SERPINB2: variants seen among roughly 807,000 people sequenced by gnomAD.
SERPINB2 encodes serpin family B member 2, also known as plasminogen activator inhibitor 2.
A neutral mutation model predicts 39.4 loss-of-function variants in SERPINB2; 28 were observed. That is an observed-to-expected ratio of 0.71 (90% CI 0.53 to 0.97). SERPINB2 has a LOEUF of 0.97. SERPINB2 is among the 50% of genes least tolerant of loss of function. The probability of loss-of-function intolerance (pLI) is 0.00; values close to 1 mark genes in which losing one functional copy is unlikely to be tolerated. For synonymous variants in SERPINB2, 209 were observed against 175.1 expected (o/e 1.19, Z -1.53); for missense variants, 557 against 505.3 (o/e 1.10, Z -0.98).
intron 5 of SERPINB2, among the ~76,000 whole-genome samples, chr18:63,898,192 C>T (rs1029223818): frequency 1.3e-5 from 2 of 152,078 alleles, no homozygotes; most frequent in African/African-American, 4.8e-5. Context: ...AAGGCTTGAC[C>T]CTGAGCTTAG....
rs564537612 is a variant in SERPINB2, at chr18:63,898,655, A to G, written c.535+811A>G. 2.6e-5 allele frequency among the ~76,000 whole-genome samples: 4 copies of G among 152,294 alleles called. No individual in the cohort carries two copies. In the East Asian group the frequency reaches 5.8e-4, roughly 22 times the overall value. On this transcript the variant is annotated intron_variant, in intron 5 of 7. Coordinates refer to ENST00000299502, the MANE Select transcript of SERPINB2 (RefSeq NM_002575.3). The stretch of plus-strand genomic sequence containing the variant: ...ATTCAGTCATGTTGGCAATTGCTAT[A>G]GAGTAGTAGTCAGTGCTTTCATTGA...
rs138059795 is a variant in SERPINB2, at chr18:63,891,540, A to G, written c.96A>G (p.Pro32=). The G allele has an allele frequency of 1.2e-6, 2 of 1,613,916 alleles. No homozygotes were observed. Among genetic ancestry groups the G allele is most frequent in the African/African-American group, 1.3e-5 (1 of 74,892 alleles). The change falls in exon 2 of 8, where the codon CCA becomes CCG. Residue 32 remains proline, a synonymous_variant. Coordinates refer to ENST00000299502, the MANE Select transcript of SERPINB2 (RefSeq NM_002575.3). The part of the protein sequence containing the change: ...ASPTQNLFLS[P]WSISSTMAMV... ...CCACCCAGAACCTCTTCCTCTCCCC[A>G]TGGAGCATCTCGTCCACCATGGCCA... is the stretch of plus-strand genomic sequence containing the variant.
intron 5 of SERPINB2, among the ~76,000 whole-genome samples, chr18:63,898,738 G>T (rs2144703896): frequency 6.6e-6 from 1 of 152,272 alleles, no homozygotes; most frequent in South Asian, 2.1e-4. Context: ...ATTTAAAAAT[G>T]ATTAAATTGT....
chr18:63,903,244 T>A lies in SERPINB2; in HGVS notation c.1187T>A (p.Phe396Tyr). 1 of 1,594,692 alleles carries A rather than the reference T, an allele frequency of 6.3e-7. No individual in the cohort carries two copies. The highest frequency in any genetic ancestry group is 2.2e-5 in the East Asian group (1 of 44,690). ...PQFVADHPFLFLIMHKITNCI... is the reference protein window; with the variant it reads ...PQFVADHPFLYLIMHKITNCI... ...TTTGTGGCAGATCATCCTTTTCTTT[T>A]TCTTATTATGCATAAGATAACCAAC... The change falls in exon 8 of 8, where the codon TTT (phenylalanine) becomes TAT (tyrosine). Residue 396 changes from phenylalanine to tyrosine, a missense_variant. Physicochemically the swap from Phe to Tyr is conservative, Grantham distance 22. Transcript: ENST00000299502.
intron 2 of SERPINB2, among the ~76,000 whole-genome samples, chr18:63,892,345 ACT>A (rs2049932089): frequency 6.6e-6 from 1 of 152,010 alleles, no homozygotes; most frequent in Non-Finnish European, 1.5e-5. Context: ...CAGTCAGGAA[ACT>A]CTTTCCACGG....
At position 63,903,362 on chromosome 18, in the gene SERPINB2, T is replaced by C; in HGVS notation, c.*57T>C. On this transcript the variant is annotated 3_prime_UTR_variant, in exon 8 of 8. Transcript: ENST00000299502. ...TGTAGATGAGCTGTGTGCCTCAGAA[T>C]TGCTATTTCAAATTGCCAAAAATTT... The C allele has an allele frequency of 6.9e-7, 1 of 1,447,764 alleles. No individual in the cohort carries two copies. The allele number at this position is 1,447,764 out of a possible 1,614,324, so 89.7% of individuals were successfully genotyped here.
In SERPINB2 at chr18:63,895,384, G is replaced by C; in HGVS notation, c.288+1G>C. ...TAGTTATCCTGATGCGATTTTGCAG[G>C]TATCTGACTTACTGGTCCAAATTTC... is the stretch of plus-strand genomic sequence containing the variant. On this transcript the variant is annotated splice_donor_variant, in intron 3 of 7. Transcript: ENST00000299502. LOFTEE classifies it high-confidence loss of function. 1 of 1,613,704 alleles carries C rather than the reference G, an allele frequency of 6.2e-7. No homozygotes were observed. Among genetic ancestry groups the C allele is most frequent in the South Asian group, 1.1e-5 (1 of 91,000 alleles).
At chr18:63,896,110 G>T (rs1047782634) in intron 3 of SERPINB2, among the ~76,000 whole-genome samples, 1 of 152,092 alleles carries the variant, frequency 6.6e-6, no homozygotes, top group Admixed American at 6.5e-5. Context: ...TTATGAAGAG[G>T]TATCTCCCAA....
At chr18:63,899,028 A>T (rs1259533395) in intron 5 of SERPINB2, among the ~76,000 whole-genome samples, 1 of 152,186 alleles carries the variant, frequency 6.6e-6, no homozygotes, top group African/African-American at 2.4e-5. Context: ...GTTCTCAGTA[A>T]TCCAGTTGAC....
Position 63,903,174 on chromosome 18 carries a change from A to G in SERPINB2, c.1117A>G (p.Thr373Ala). Residue 373 changes from threonine to alanine, a missense_variant, in exon 8 of 8, where the codon ACA (threonine) becomes GCA (alanine). Thr to Ala is a moderately conservative substitution (Grantham distance 58, BLOSUM62 0). Transcript: ENST00000299502. ...NEEGTEAAAG[T>A]GGVMTGRTGH... Reference sequence around the variant, plus strand: ...GGAGGGCACTGAAGCAGCCGCTGGCACAGGAGGTGTTATGACAGGGAGAAC... The same window carrying G: ...GGAGGGCACTGAAGCAGCCGCTGGCGCAGGAGGTGTTATGACAGGGAGAAC... 6.2e-7 allele frequency: 1 copy of G among 1,613,748 alleles called. No homozygotes were observed.
chr18:63,903,181 G>T lies in SERPINB2; in HGVS notation c.1124G>T (p.Gly375Val). 1 of 1,613,670 alleles carries T rather than the reference G, an allele frequency of 6.2e-7. No individual in the cohort carries two copies. Among genetic ancestry groups the T allele is most frequent in the South Asian group, 1.1e-5 (1 of 91,044 alleles). The change falls in exon 8 of 8, where the codon GGT becomes GTT. Residue 375 changes from glycine (G) to valine (V), a missense_variant. Gly to Val is a moderately radical substitution (Grantham distance 109). Coordinates refer to ENST00000299502, the MANE Select transcript of SERPINB2 (RefSeq NM_002575.3). The part of the protein sequence containing the change: ...EGTEAAAGTG[G>V]VMTGRTGHGG... ...ACTGAAGCAGCCGCTGGCACAGGAG[G>T]TGTTATGACAGGGAGAACTGGACAT...
At chr18:63,895,142 C>G in intron 2 of SERPINB2, 122 bp from the exon 3 acceptor site, 1 of 1,111,976 alleles carries the variant, frequency 9.0e-7, no homozygotes, top group Non-Finnish European at 1.3e-6. Context: ...TATGGTTGTT[C>G]CCCATGTATA....
At position 63,903,138 on chromosome 18, in the gene SERPINB2, G is replaced by T. The variant is rs750329758; in HGVS notation, c.1081G>T (p.Asp361Tyr). Residue 361 changes from aspartate to tyrosine, a missense_variant, in exon 8 of 8, where the codon GAT (aspartate) becomes TAT (tyrosine). Physicochemically the swap from Asp to Tyr is radical, Grantham distance 160. Coordinates refer to ENST00000299502, the MANE Select transcript of SERPINB2 (RefSeq NM_002575.3). ...TGAAGTGTTCCACCAAGCCATGGTGGATGTGAATGAGGAGGGCACTGAAGC... is the reference window on the plus strand; with the variant it reads ...TGAAGTGTTCCACCAAGCCATGGTGTATGTGAATGAGGAGGGCACTGAAGC... ...LSEVFHQAMV[D>Y]VNEEGTEAAA... 1 of 1,613,702 alleles carries T rather than the reference G, an allele frequency of 6.2e-7. No individual in the cohort carries two copies.
At chr18:63,899,198 C>A (rs960722129) in intron 5 of SERPINB2, among the ~76,000 whole-genome samples, 3 of 152,208 alleles carry the variant, frequency 2.0e-5, no homozygotes, top group Non-Finnish European at 2.9e-5. Flanking sequence ...ACTTCCTGAT[C>A]TTTTCTTCTT....
At chr18:63,890,492 C>G (rs911193484) in intron 1 of SERPINB2, 1 of 152,204 alleles carries the variant, frequency 6.6e-6, no homozygotes, top group Admixed American at 6.5e-5. Context: ...AAACATACAG[C>G]TGGAAAGACG....
At chr18:63,891,788 A>G (rs2049928304) in intron 2 of SERPINB2, among the ~76,000 whole-genome samples, 176 bp downstream of exon 2, 1 of 152,238 alleles carries the variant, frequency 6.6e-6, no homozygotes, top group African/African-American at 2.4e-5. Context: ...AAGACAGCCA[A>G]GCCCCCGAAT....
intron 4 of SERPINB2, 111 bp downstream of exon 4, chr18:63,897,330 A>C (rs1599061552): frequency 7.6e-7 from 1 of 1,321,886 alleles, no homozygotes; most frequent in Non-Finnish European, 1.0e-6. Flanking sequence ...GGAATTCCAC[A>C]CCAGCTCCCT....
At chr18:63,896,814 TG>T (rs2049962058) in intron 3 of SERPINB2, among the ~76,000 whole-genome samples, 1 of 152,230 alleles carries the variant, frequency 6.6e-6, no homozygotes, top group South Asian at 2.1e-4. Context: ...TTTAGGAAAC[TG>T]AGAAGGGGCC....
chr18:63,901,959 C>T (rs1353899498), intron 6 of SERPINB2, 77 bp downstream of exon 6: 11 of 1,367,752 alleles, frequency 8.0e-6, no homozygotes, highest in Non-Finnish European at 1.1e-5. Flanking sequence ...AAATTAGAGA[C>T]CGCTCATTAT....
Sources: gnomAD v4.1 joint callset for allele counts (sites outside exome capture counted in the v4.1 genomes callset) on GRCh38, gnomAD v4.1.1 for gene constraint, MANE v1.5 for transcripts, NCBI Gene and HGNC (gene_info 2026-07-23, HGNC 2026-07-21) for gene names.